HS6ST2: variants seen among roughly 807,000 people sequenced by gnomAD.
The protein encoded by HS6ST2 is heparan-sulfate 6-O-sulfotransferase 2.
Under a neutral mutation model 33.0 loss-of-function variants are expected in HS6ST2, and 17 were observed. The ratio of observed to expected loss-of-function variants is 0.52; its 90% CI spans 0.35 to 0.77. HS6ST2 has a LOEUF of 0.77. Ranked by LOEUF, HS6ST2 falls within the 30% of genes least tolerant of loss-of-function variation. HS6ST2 has a pLI of 0.01. For missense variants in HS6ST2, 519 were observed against 551.7 expected, an observed-to-expected ratio of 0.94 and a Z score of 0.59; for synonymous variants, 248 against 237.1, an observed-to-expected ratio of 1.05 and a Z score of -0.42.
rs755535720 is a variant in HS6ST2, at chrX:132,793,048, C to CTTTTTTTTTTT, written c.948-84565_948-84555dup. 1.3e-4 allele frequency among the ~76,000 whole-genome samples: 7 copies of CTTTTTTTTTTT among 53,246 alleles called. 1 individual carries two copies. Among genetic ancestry groups the CTTTTTTTTTTT allele is most frequent in the African/African-American group, 7.3e-4 (7 of 9,544 alleles). The allele number at this position is 53,246 out of a possible 115,157, so 46.2% of individuals were successfully genotyped here. A position where few individuals can be genotyped will look rare whatever the true frequency, so the allele number is the denominator to read the frequency against. ...AAGTTGCAAATCTCCAAATAAACTCCTTTTTTTTTTTTTTTTTTTTTTTTT... is the reference window on the plus strand; with the variant it reads ...AAGTTGCAAATCTCCAAATAAACTCCTTTTTTTTTTTTTTTTTTTTTTTTTTTTTTTTTTTT... On this transcript the variant is annotated intron_variant, in intron 2 of 4. Coordinates refer to ENST00000370833, the MANE Select transcript of HS6ST2 (RefSeq NM_001394073.1).
At chrX:132,748,465 G>A (rs974661483) in intron 2 of HS6ST2, among the ~76,000 whole-genome samples, 1 of 112,190 alleles carries the variant, frequency 8.9e-6, no homozygotes, top group African/African-American at 3.2e-5. Context: ...ACAATTTAAA[G>A]GAAGGTGGCT....
chrX:132,718,835 C>T (rs775403358), intron 2 of HS6ST2, among the ~76,000 whole-genome samples: 57 of 111,031 alleles, frequency 5.1e-4, no homozygotes, highest in Non-Finnish European at 9.2e-4. Context: ...CAGGGACCCA[C>T]AGGGAAAGAG....
At chrX:132,797,040 G>T (rs1476825443) in intron 2 of HS6ST2, among the ~76,000 whole-genome samples, 1 of 111,466 alleles carries the variant, frequency 9.0e-6, no homozygotes, top group Non-Finnish European at 1.9e-5. Context: ...AGTAGTCCCC[G>T]ATTAGCCTGC....
chrX:132,915,366 C>A (rs1318603327), intron 2 of HS6ST2, among the ~76,000 whole-genome samples: 1 of 112,450 alleles, frequency 8.9e-6, no homozygotes, highest in Non-Finnish European at 1.9e-5. Context: ...CTGCTTTCAG[C>A]AATAAAATGA....
At chrX:132,925,881 T>G (rs2066705341) in intron 2 of HS6ST2, among the ~76,000 whole-genome samples, 1 of 111,693 alleles carries the variant, frequency 9.0e-6, no homozygotes, top group African/African-American at 3.3e-5. Context: ...TATTTGGGCC[T>G]CAAAACAGTC....
intron 4 of HS6ST2, 34 bp downstream of exon 4, chrX:132,669,079 T>A (rs751472435): frequency 1.0e-6 from 1 of 966,332 alleles, no homozygotes; most frequent in East Asian, 3.1e-5. Context: ...TTTTGACAGC[T>A]ATGTCAGATG....
chrX:132,960,905 A>G (rs1371628781), upstream of HS6ST2, among the ~76,000 whole-genome samples: 6 of 110,991 alleles, frequency 5.4e-5, no homozygotes, highest in African/African-American at 2.0e-4. Flanking sequence ...AGATCCCTCC[A>G]GGATTGAAGA....
chrX:132,628,506 C>A lies in HS6ST2; in HGVS notation c.1655G>T (p.Arg552Leu). The change falls in exon 5 of 5, where the codon CGA becomes CTA. Residue 552 changes from arginine to leucine, a missense_variant. Transcript: ENST00000370833. ...MRQKEHQEARRKRQEQRKFLK... is the reference protein window; with the variant it reads ...MRQKEHQEARLKRQEQRKFLK... ...AAATTTGCGTTGTTCCTGACGCTTT[C>A]GCCTGGCCTCCTGATGCTCTTTCTG... is the stretch of plus-strand genomic sequence containing the variant. 1 of 1,211,094 alleles carries A rather than the reference C, an allele frequency of 8.3e-7. No individual in the cohort carries two copies. The highest frequency in any genetic ancestry group is 1.7e-5 in the African/African-American group (1 of 57,622).
intron 4 of HS6ST2, among the ~76,000 whole-genome samples, chrX:132,637,863 TATATTATATATAATA>T (rs2063568191): frequency 5.7e-5 from 2 of 35,224 alleles, no homozygotes; most frequent in African/African-American, 5.6e-4. Flanking sequence ...ATATATATAA[TATATTATATATAATA>T]TATATATAAT....
intron 2 of HS6ST2, among the ~76,000 whole-genome samples, chrX:132,812,588 G>T (rs1290972654): frequency 4.7e-5 from 5 of 105,521 alleles, no homozygotes; most frequent in Non-Finnish European, 9.7e-5. Flanking sequence ...TTTTTTGGGG[G>T]GGGGAGAAAT....
At chrX:132,840,383 C>T (rs2065697421) in intron 2 of HS6ST2, among the ~76,000 whole-genome samples, 2 of 110,111 alleles carry the variant, frequency 1.8e-5, no homozygotes, top group South Asian at 4.0e-4. Flanking sequence ...CGTTGGGTTT[C>T]CCTCCTCCCC....
At chrX:132,854,753 G>T (rs1412598617) in intron 2 of HS6ST2, among the ~76,000 whole-genome samples, 2 of 112,247 alleles carry the variant, frequency 1.8e-5, no homozygotes, top group Non-Finnish European at 3.8e-5. Context: ...TGAGAAAAAA[G>T]TAATGTTGCT....
At chrX:132,720,329 G>C (rs2064317152) in intron 2 of HS6ST2, among the ~76,000 whole-genome samples, 1 of 111,438 alleles carries the variant, frequency 9.0e-6, no homozygotes, top group Non-Finnish European at 1.9e-5. Context: ...AGCTGGGTTT[G>C]TGTAAATCGA....
chrX:132,913,101 T>G (rs1044552175), intron 2 of HS6ST2, among the ~76,000 whole-genome samples: 4 of 110,593 alleles, frequency 3.6e-5, no homozygotes, highest in African/African-American at 1.3e-4. Context: ...GCCTCTCGAG[T>G]CCCCTCTCTA....
At chrX:132,675,491 G>C (rs1023731037) in intron 3 of HS6ST2, among the ~76,000 whole-genome samples, 1 of 111,488 alleles carries the variant, frequency 9.0e-6, no homozygotes, top group Non-Finnish European at 1.9e-5. Flanking sequence ...GAAAGTGAAG[G>C]CCTCGTTCCT....
At chrX:132,898,489 G>A (rs895428534) in intron 2 of HS6ST2, among the ~76,000 whole-genome samples, 2 of 106,099 alleles carry the variant, frequency 1.9e-5, no homozygotes, top group Non-Finnish European at 3.9e-5. Flanking sequence ...TCACAAAAAC[G>A]TATTAACAAC....
At chrX:132,781,724 G>A (rs2065018183) in intron 2 of HS6ST2, among the ~76,000 whole-genome samples, 1 of 111,769 alleles carries the variant, frequency 8.9e-6, no homozygotes, top group South Asian at 3.8e-4. Flanking sequence ...GCAGGAGACA[G>A]AGCACAGGCA....
chrX:132,823,672 A>G (rs993531112), intron 2 of HS6ST2, among the ~76,000 whole-genome samples: 1 of 96,669 alleles, frequency 1.0e-5, no homozygotes, highest in African/African-American at 3.8e-5. Context: ...CCTGGCCAAC[A>G]TGGTGAAACC....
chrX:132,821,459 A>G (rs1040497912), intron 2 of HS6ST2, among the ~76,000 whole-genome samples: 7 of 109,006 alleles, frequency 6.4e-5, no homozygotes, highest in Admixed American at 9.8e-5. Context: ...TGATCCGCCC[A>G]CCTCGGCCTC....
Sources: allele counts gnomAD v4.1 joint callset (sites outside exome capture counted in the v4.1 genomes callset), GRCh38; gene constraint gnomAD v4.1.1; transcripts MANE v1.5; gene names NCBI Gene and HGNC (gene_info 2026-07-23, HGNC 2026-07-21).